The following ASIC2 variants were observed in gnomAD, a reference collection of about 807,000 sequenced individuals.
The protein encoded by ASIC2 is acid sensing ion channel subunit 2.
In ASIC2, 25 loss-of-function variants were observed where a neutral mutation model predicts 57.3. The observed-to-expected ratio is 0.44, with a 90% confidence interval of 0.32 to 0.61. The LOEUF is 0.61. Among genes scored for constraint, ASIC2 ranks in the 20% least tolerant of loss-of-function variants. ASIC2 has a pLI of 0.06. For missense variants in ASIC2, 641 were observed against 738.1 expected (o/e 0.87, Z 1.52); for synonymous variants, 319 against 307.5 (o/e 1.04, Z -0.39).
At chr17:33,652,002 G>A (rs141885723) in intron 1 of ASIC2, among the ~76,000 whole-genome samples, 22 of 152,292 alleles carry the variant, frequency 1.4e-4, no homozygotes, top group African/African-American at 5.1e-4. Flanking sequence ...GCATGTGCAT[G>A]CGTGTGTGTG....
rs538925853 is a variant in ASIC2 at position 33,556,510 on chromosome 17, T to C, written c.556-444443A>G. On this transcript the variant is annotated intron_variant, in intron 1 of 9. Transcript: ENST00000359872. ...GGATGACAATTATTTACTTAGAGCT[T>C]AAATACGTTTAAATTCAGAAAATTA... Among the ~76,000 whole-genome samples, 24 of 152,354 alleles carry C rather than the reference T, an allele frequency of 1.6e-4. No homozygotes were observed. The South Asian group carries it at 5.0e-3, about 32-fold the overall frequency.
intron 1 of ASIC2, among the ~76,000 whole-genome samples, chr17:33,831,796 G>C (rs1305485956): frequency 3.3e-5 from 5 of 152,122 alleles, no homozygotes; most frequent in African/African-American, 1.2e-4. Flanking sequence ...TCAGGAGTTT[G>C]TTCTAGAAGA....
At chr17:33,881,714 C>T (rs1914704536) in intron 1 of ASIC2, among the ~76,000 whole-genome samples, 2 of 151,994 alleles carry the variant, frequency 1.3e-5, no homozygotes, top group African/African-American at 4.8e-5. Context: ...TCAATGCCAT[C>T]CCCATCAAGC....
At chr17:33,102,340 A>C (rs76714772) in intron 2 of ASIC2, among the ~76,000 whole-genome samples, 1 of 152,212 alleles carries the variant, frequency 6.6e-6, no homozygotes, top group Non-Finnish European at 1.5e-5. Flanking sequence ...GAGAAGTCCT[A>C]GGTCGTTCTC....
At chr17:33,349,080 A>G (rs911120076) in intron 1 of ASIC2, among the ~76,000 whole-genome samples, 1 of 152,192 alleles carries the variant, frequency 6.6e-6, no homozygotes, top group East Asian at 1.9e-4. Context: ...TATGGACCAC[A>G]CTTTGAGTAG....
chr17:33,403,841 A>G (rs1271749960), intron 1 of ASIC2, among the ~76,000 whole-genome samples: 2 of 152,218 alleles, frequency 1.3e-5, no homozygotes, highest in Non-Finnish European at 2.9e-5. Context: ...CAAGCTCCAG[A>G]GAGAGGAAAT....
chr17:34,099,339 A>AGAGG (rs1438064252), intron 1 of ASIC2, among the ~76,000 whole-genome samples: 22 of 146,126 alleles, frequency 1.5e-4, no homozygotes, highest in Non-Finnish European at 3.3e-4. Flanking sequence ...GGGAGGGAAG[A>AGAGG]GAGGGAGGGA....
chr17:34,042,278 T>TTAAAACAG (rs1349525931), intron 1 of ASIC2, among the ~76,000 whole-genome samples: 1 of 152,154 alleles, frequency 6.6e-6, no homozygotes, highest in Non-Finnish European at 1.5e-5. Context: ...ATATGAATAT[T>TTAAAACAG]TAAAACAGCT....
intron 1 of ASIC2, among the ~76,000 whole-genome samples, chr17:33,403,176 A>C (rs1025009582): frequency 6.6e-6 from 1 of 152,132 alleles, no homozygotes; most frequent in African/African-American, 2.4e-5. Flanking sequence ...TCATGAGTGC[A>C]CTCGGGCAGA....
chr17:33,287,056 C>T (rs1385763813), intron 1 of ASIC2, among the ~76,000 whole-genome samples: 2 of 152,188 alleles, frequency 1.3e-5, no homozygotes, highest in East Asian at 3.8e-4. Context: ...ATATGAATAG[C>T]AACTGCTACC....
chr17:34,005,532 T>G (rs967188595), intron 1 of ASIC2: 8 of 152,210 alleles, frequency 5.3e-5, no homozygotes, highest in African/African-American at 1.9e-4. Context: ...CCCCCCGCCC[T>G]CAAAAGCTCC....
At chr17:34,144,162 T>C (rs1185884816) in intron 1 of ASIC2, among the ~76,000 whole-genome samples, 1 of 152,244 alleles carries the variant, frequency 6.6e-6, no homozygotes, top group Non-Finnish European at 1.5e-5. Context: ...TCAACTATTA[T>C]ATATTTCACT....
At chr17:33,107,663 G>A (rs11869072) in intron 2 of ASIC2, among the ~76,000 whole-genome samples, 1 of 152,196 alleles carries the variant, frequency 6.6e-6, no homozygotes, top group Non-Finnish European at 1.5e-5. Context: ...TAGAGTCATT[G>A]TCTACTCACT....
At chr17:33,529,914 C>T (rs1018335707) in intron 1 of ASIC2, 13 of 152,350 alleles carry the variant, frequency 8.5e-5, no homozygotes, top group South Asian at 2.1e-4. Context: ...TCCTCCGGCT[C>T]GCTACTCATC....
chr17:33,940,763 A>G (rs1024719003), intron 1 of ASIC2, among the ~76,000 whole-genome samples: 3 of 152,244 alleles, frequency 2.0e-5, no homozygotes, highest in African/African-American at 7.2e-5. Flanking sequence ...GAGTATTTTA[A>G]AGAACACAAT....
intron 1 of ASIC2, among the ~76,000 whole-genome samples, chr17:33,663,963 T>C (rs1273710324): frequency 6.6e-6 from 1 of 152,204 alleles, no homozygotes; most frequent in Non-Finnish European, 1.5e-5. Context: ...GTGTGAATTC[T>C]TTGCTTTTAC....
At chr17:33,591,778 A>C (rs1032409441) in intron 1 of ASIC2, among the ~76,000 whole-genome samples, 1 of 152,180 alleles carries the variant, frequency 6.6e-6, no homozygotes, top group African/African-American at 2.4e-5. Context: ...CCTGGGATCA[A>C]GCTGAGAATG....
At chr17:33,766,880 T>C (rs1338674061) in intron 1 of ASIC2, among the ~76,000 whole-genome samples, 1 of 152,256 alleles carries the variant, frequency 6.6e-6, no homozygotes, top group Non-Finnish European at 1.5e-5. Context: ...TTTACTTTTA[T>C]TTGTCAGTGG....
intron 1 of ASIC2, among the ~76,000 whole-genome samples, chr17:33,729,379 T>C (rs1176231477): frequency 6.6e-6 from 1 of 152,162 alleles, no homozygotes; most frequent in Non-Finnish European, 1.5e-5. Context: ...ACTACCCCCA[T>C]GATCCAAACA....
Sources: gnomAD v4.1 joint callset for allele counts (sites outside exome capture counted in the v4.1 genomes callset) on GRCh38, gnomAD v4.1.1 for gene constraint, MANE v1.5 for transcripts, NCBI Gene and HGNC (gene_info 2026-07-23, HGNC 2026-07-21) for gene names.